AGBL4: variants seen among roughly 807,000 people sequenced by gnomAD.
AGBL4 encodes the protein cytosolic carboxypeptidase 6.
A neutral mutation model predicts 66.4 loss-of-function variants in AGBL4; 58 were observed. The observed-to-expected ratio is 0.87, with a 90% CI of 0.71 to 1.09. AGBL4 has a LOEUF of 1.09. Among genes scored for constraint, AGBL4 ranks in the 50% least tolerant of loss-of-function variants. The pLI is 0.00. For missense variants in AGBL4, 579 were observed against 631.0 expected (o/e 0.92, Z 0.88); for synonymous variants, 234 against 222.9 (o/e 1.05, Z -0.44).
intron 6 of AGBL4, among the ~76,000 whole-genome samples, chr1:48,847,647 A>G (rs1646950545): frequency 6.6e-6 from 1 of 152,238 alleles, no homozygotes; most frequent in Non-Finnish European, 1.5e-5. Flanking sequence ...TCTCATCTTC[A>G]AAGTGAGTAC....
chr1:49,001,322 C>A (rs552829944), intron 5 of AGBL4, among the ~76,000 whole-genome samples: 1 of 152,274 alleles, frequency 6.6e-6, no homozygotes, highest in Non-Finnish European at 1.5e-5. Flanking sequence ...AGTTATTTAG[C>A]TCTAATTATA....
rs149312241 is a variant in AGBL4, at chr1:48,550,409, A to G, written c.1268-10671T>C. On this transcript the variant is annotated intron_variant, in intron 11 of 13. Transcript: ENST00000371839. ...TCATATCATTCCCATCTCTGCCCCC[A>G]TGGTCACATTGCCTCCTCCCTCTTC... Among the ~76,000 whole-genome samples the G allele has an allele frequency of 2.6e-5, 4 of 152,070 alleles. No individual in the cohort carries two copies. In the East Asian group the frequency reaches 7.8e-4, roughly 29 times the overall value.
At chr1:48,576,176 C>T (rs1264195592) in intron 11 of AGBL4, among the ~76,000 whole-genome samples, 1 of 152,188 alleles carries the variant, frequency 6.6e-6, no homozygotes, top group Non-Finnish European at 1.5e-5. Context: ...ACCTGAGCTC[C>T]TCCTCCTGTC....
At chr1:49,871,475 T>C (rs867869609) in intron 1 of AGBL4, among the ~76,000 whole-genome samples, 1 of 152,076 alleles carries the variant, frequency 6.6e-6, no homozygotes, top group Non-Finnish European at 1.5e-5. Flanking sequence ...TGTGATCCTA[T>C]TCTGTTATAT....
intron 1 of AGBL4, among the ~76,000 whole-genome samples, chr1:49,867,640 G>A (rs576602477): frequency 6.6e-6 from 1 of 152,022 alleles, no homozygotes; most frequent in African/African-American, 2.4e-5. Flanking sequence ...ATAAACGAAG[G>A]AGAAATAAAA....
At chr1:49,790,380 A>G (rs1474938258) in intron 2 of AGBL4, among the ~76,000 whole-genome samples, 7 of 151,708 alleles carry the variant, frequency 4.6e-5, no homozygotes, top group East Asian at 1.9e-4. Context: ...AAAAAAAAAA[A>G]AAGAAGCTCA....
intron 6 of AGBL4, chr1:48,776,878 G>A (rs369089302): frequency 2.2e-6 from 3 of 1,367,098 alleles, no homozygotes; most frequent in East Asian, 6.1e-5. Context: ...AGCCCGCGGG[G>A]CGGGCGCGGA....
intron 3 of AGBL4, among the ~76,000 whole-genome samples, chr1:49,288,419 A>G (rs1013603638): frequency 6.6e-6 from 1 of 152,102 alleles, no homozygotes; most frequent in Non-Finnish European, 1.5e-5. Context: ...TTCTAGATCC[A>G]ACAGAGAGCA....
intron 1 of AGBL4, chr1:49,996,063 CA>C (rs1244878898): frequency 6.6e-6 from 1 of 152,318 alleles, no homozygotes; most frequent in Non-Finnish European, 1.5e-5. Context: ...ATGTGAACAG[CA>C]GCCCTTAAGT....
At chr1:49,413,656 C>A (rs567136291) in intron 3 of AGBL4, among the ~76,000 whole-genome samples, 4 of 152,182 alleles carry the variant, frequency 2.6e-5, no homozygotes, top group Non-Finnish European at 5.9e-5. Context: ...TGGCCAAATG[C>A]AGGTCAGATT....
intron 6 of AGBL4, among the ~76,000 whole-genome samples, chr1:48,780,584 A>G (rs1390414132): frequency 2.6e-5 from 4 of 152,200 alleles, no homozygotes; most frequent in African/African-American, 7.2e-5. Context: ...ACAGGTATAT[A>G]GACCAATGGA....
At chr1:49,554,513 C>A (rs555720379) in intron 3 of AGBL4, among the ~76,000 whole-genome samples, 2 of 152,142 alleles carry the variant, frequency 1.3e-5, no homozygotes, top group African/African-American at 4.8e-5. Flanking sequence ...TAGATCAAGG[C>A]TCATTAGTGA....
chr1:48,599,097 C>T (rs1180532138), intron 9 of AGBL4, among the ~76,000 whole-genome samples: 1 of 152,174 alleles, frequency 6.6e-6, no homozygotes, highest in Non-Finnish European at 1.5e-5. Context: ...TCCACCTCCA[C>T]ATCTTATCAC....
intron 3 of AGBL4, among the ~76,000 whole-genome samples, chr1:49,504,788 A>G (rs1648524616): frequency 1.3e-5 from 2 of 152,004 alleles, no homozygotes; most frequent in African/African-American, 4.8e-5. Flanking sequence ...GCTTTCATTT[A>G]TCTATTCCAG....
chr1:49,605,132 G>A (rs1479905458), intron 3 of AGBL4, among the ~76,000 whole-genome samples: 1 of 152,098 alleles, frequency 6.6e-6, no homozygotes, highest in African/African-American at 2.4e-5. Context: ...AGGTCACAAA[G>A]CTGTGGAGTT....
chr1:49,417,772 T>C (rs1418354097), intron 3 of AGBL4, among the ~76,000 whole-genome samples: 1 of 152,162 alleles, frequency 6.6e-6, no homozygotes, highest in Non-Finnish European at 1.5e-5. Context: ...GCTGAGTTTT[T>C]TATTTGACAT....
chr1:48,783,438 C>A (rs1405448018), intron 6 of AGBL4, among the ~76,000 whole-genome samples: 2 of 152,142 alleles, frequency 1.3e-5, no homozygotes, highest in Non-Finnish European at 2.9e-5. Context: ...CAATGAACAT[C>A]ACCTGGATAA....
intron 2 of AGBL4, among the ~76,000 whole-genome samples, chr1:49,781,522 G>C (rs1258130509): frequency 1.3e-5 from 2 of 152,078 alleles, no homozygotes; most frequent in Non-Finnish European, 2.9e-5. Context: ...AATTAAAAAG[G>C]AGAAAGGGAC....
At chr1:49,082,862 A>G (rs1043176723) in intron 4 of AGBL4, among the ~76,000 whole-genome samples, 3 of 152,242 alleles carry the variant, frequency 2.0e-5, no homozygotes, top group African/African-American at 4.8e-5. Context: ...CAAGTTAGTT[A>G]CTTCCTAGAT....
Sources: gnomAD v4.1 joint callset for allele counts (sites outside exome capture counted in the v4.1 genomes callset) on GRCh38, gnomAD v4.1.1 for gene constraint, MANE v1.5 for transcripts, NCBI Gene and HGNC (gene_info 2026-07-23, HGNC 2026-07-21) for gene names.